Variants in SAMD5 observed in about 807,000 individuals in gnomAD.
SAMD5 encodes sterile alpha motif domain containing 5.
SAMD5 carries 13 observed loss-of-function variants against 11.3 expected under a neutral mutation model. The ratio of observed to expected loss-of-function variants is 1.15; its 90% CI spans 0.75 to 1.83. The LOEUF (loss-of-function observed/expected upper bound fraction) is 1.83. Among genes scored for constraint, SAMD5 ranks in the 40% most tolerant of loss-of-function variants. The pLI, the probability that SAMD5 is intolerant of heterozygous loss-of-function variation, is 0.00. For synonymous variants in SAMD5, 129 were observed against 111.3 expected (o/e 1.16, Z -1.00); for missense variants, 255 against 239.1 (o/e 1.07, Z -0.44).
chr6:147,716,227 G>A (rs757611992), intron 1 of SAMD5, among the ~76,000 whole-genome samples: 4 of 152,204 alleles, frequency 2.6e-5, no homozygotes, highest in Non-Finnish European at 4.4e-5. Flanking sequence ...AGTCCAGAGG[G>A]GGCTGAAGTG....
At chr6:147,559,638 G>T (rs1328870113) in intron 1 of SAMD5, among the ~76,000 whole-genome samples, 1 of 152,188 alleles carries the variant, frequency 6.6e-6, no homozygotes, top group Non-Finnish European at 1.5e-5. Flanking sequence ...CTCGGAGGAA[G>T]ACAGGACAGT....
At chr6:147,877,908 T>G in the SAMD5 span, among the ~76,000 whole-genome samples, 1 of 37,500 alleles carries the variant, frequency 2.7e-5, no homozygotes, top group Non-Finnish European at 5.5e-5. Flanking sequence ...GATAGATAGA[T>G]AGCTAGCTAG....
chr6:147,581,596 C>T (rs1789298805), intron 1 of SAMD5, among the ~76,000 whole-genome samples: 1 of 152,022 alleles, frequency 6.6e-6, no homozygotes, highest in Non-Finnish European at 1.5e-5. Context: ...GGAGACAAGT[C>T]CAAGATAAGG....
the SAMD5 span, among the ~76,000 whole-genome samples, chr6:147,816,327 T>TATATATATATAC: frequency 3.2e-5 from 4 of 123,158 alleles, no homozygotes; most frequent in East Asian, 4.5e-4. Context: ...TATATATATA[T>TATATATATATAC]ACAGCAAATT....
chr6:147,548,809 C>T (rs777906416), intron 1 of SAMD5, among the ~76,000 whole-genome samples: 1 of 152,028 alleles, frequency 6.6e-6, no homozygotes, highest in Non-Finnish European at 1.5e-5. Context: ...GGCTTTCTCC[C>T]CATGAAAATG....
chr6:147,796,757 T>C, the SAMD5 span, among the ~76,000 whole-genome samples: 1 of 151,988 alleles, frequency 6.6e-6, no homozygotes, highest in Non-Finnish European at 1.5e-5. Context: ...CAGTGGTTTG[T>C]AGTTCTGCTT....
the SAMD5 span, among the ~76,000 whole-genome samples, chr6:147,827,024 G>A: frequency 6.6e-6 from 1 of 152,174 alleles, no homozygotes; most frequent in Non-Finnish European, 1.5e-5. Context: ...AGACCATGGG[G>A]CTGCTTTCAC....
the SAMD5 span, among the ~76,000 whole-genome samples, chr6:147,834,474 G>C: frequency 6.6e-6 from 1 of 152,218 alleles, no homozygotes; most frequent in Non-Finnish European, 1.5e-5. Context: ...AGGCTTAAAA[G>C]CACCGGAGTG....
chr6:147,858,419 C>G, the SAMD5 span, among the ~76,000 whole-genome samples: 1 of 152,212 alleles, frequency 6.6e-6, no homozygotes, highest in Middle Eastern at 3.4e-3. Context: ...TTATTCTGTC[C>G]TCTTTGAGCA....
chr6:147,768,781 A>G, the SAMD5 span, among the ~76,000 whole-genome samples: 4,505 of 152,092 alleles, frequency 0.03, 182 homozygotes, highest in African/African-American at 0.091. Flanking sequence ...TTTTGTGGTG[A>G]GAACATTTAA....
At chr6:147,880,784 A>G in the SAMD5 span, among the ~76,000 whole-genome samples, 2 of 151,976 alleles carry the variant, frequency 1.3e-5, no homozygotes, top group Non-Finnish European at 2.9e-5. Context: ...CATCCCAACA[A>G]CTCAACAGAT....
the SAMD5 span, among the ~76,000 whole-genome samples, chr6:147,800,112 G>C: frequency 3.9e-5 from 6 of 152,318 alleles, no homozygotes; most frequent in East Asian, 1.2e-3. Flanking sequence ...TTGCTGGTGA[G>C]GAACTGCATT....
chr6:147,650,785 G>C (rs916408443), intron 1 of SAMD5, among the ~76,000 whole-genome samples: 1 of 152,098 alleles, frequency 6.6e-6, no homozygotes, highest in Admixed American at 6.5e-5. Flanking sequence ...AGGGTGATGC[G>C]GTTTCCATGT....
At chr6:147,650,031 C>T (rs974822231) in intron 1 of SAMD5, among the ~76,000 whole-genome samples, 1 of 152,172 alleles carries the variant, frequency 6.6e-6, no homozygotes. Context: ...GTGAAAGGTG[C>T]TATTAACAAT....
chr6:147,911,691 C>T, the SAMD5 span, among the ~76,000 whole-genome samples: 1 of 152,212 alleles, frequency 6.6e-6, no homozygotes, highest in African/African-American at 2.4e-5. Context: ...CTTTGCTGTA[C>T]CAGTTATCTA....
the SAMD5 span, among the ~76,000 whole-genome samples, chr6:147,838,531 G>GCC: frequency 0.15 from 18,737 of 127,062 alleles, 1,654 homozygotes; most frequent in East Asian, 0.18. Context: ...AGAATATCCT[G>GCC]CCCCCCCCCC....
chr6:147,811,569 C>T, the SAMD5 span, among the ~76,000 whole-genome samples: 1 of 151,930 alleles, frequency 6.6e-6, no homozygotes, highest in South Asian at 2.1e-4. Flanking sequence ...TTCCAGGGCA[C>T]AACAAGGAGG....
chr6:147,800,581 C>T, the SAMD5 span, among the ~76,000 whole-genome samples: 1 of 152,244 alleles, frequency 6.6e-6, no homozygotes, highest in Non-Finnish European at 1.5e-5. Context: ...CCTCCTTGAG[C>T]TGTGGTGGGC....
the SAMD5 span, among the ~76,000 whole-genome samples, chr6:147,861,714 C>T: frequency 6.6e-6 from 1 of 152,168 alleles, no homozygotes; most frequent in Non-Finnish European, 1.5e-5. Flanking sequence ...CTGCTGGTGC[C>T]TCCCTCGGGT....
Sources: gnomAD v4.1 joint callset for allele counts (sites outside exome capture counted in the v4.1 genomes callset) on GRCh38, gnomAD v4.1.1 for gene constraint, MANE v1.5 for transcripts, NCBI Gene and HGNC (gene_info 2026-07-23, HGNC 2026-07-21) for gene names.